The following NCOR2 variants were observed in gnomAD, a reference collection of about 807,000 sequenced individuals.
The protein encoded by NCOR2 is CTG repeat protein 26.
NCOR2 carries 81 observed loss-of-function variants against 262.9 expected under a neutral mutation model. The observed-to-expected ratio is 0.31, with a 90% CI of 0.26 to 0.37. The LOEUF is 0.37. Ranked by LOEUF, NCOR2 falls within the 10% of genes least tolerant of loss-of-function variation. The pLI is 1.00. For synonymous variants in NCOR2, 1,659 were observed against 1,559.3 expected, an observed-to-expected ratio of 1.06 and a Z score of -1.51; for missense variants, 3,385 against 3,621.4, an observed-to-expected ratio of 0.93 and a Z score of 1.68.
chr12:124,374,677 C>T (rs2039850877), intron 18 of NCOR2, among the ~76,000 whole-genome samples: 1 of 152,252 alleles, frequency 6.6e-6, no homozygotes, highest in Non-Finnish European at 1.5e-5. Flanking sequence ...CCTGCAATAG[C>T]CCTGAGCAGG....
At position 124,352,305 on chromosome 12, in the gene NCOR2, A is replaced by G. The variant is rs7316196; in HGVS notation, c.3694-1568T>C. On this transcript the variant is annotated intron_variant, in intron 27 of 46. Transcript: ENST00000405201. Reference sequence around the variant, plus strand: ...GTCAGAACTGGGTTTGTACTGCAGAAATCAGTGGCTTACTGAACACCACAA... The same window carrying G: ...GTCAGAACTGGGTTTGTACTGCAGAGATCAGTGGCTTACTGAACACCACAA... Among the ~76,000 whole-genome samples the G allele has an allele frequency of 8.2e-3, 1,243 of 152,232 alleles. 20 individuals carry two copies. The highest frequency in any genetic ancestry group is 0.029 in the African/African-American group (1,194 of 41,540).
At chr12:124,495,291 T>C, upstream of NCOR2, 1 of 1,585,538 alleles carries the variant, frequency 6.3e-7, no homozygotes, top group Non-Finnish European at 8.6e-7. This position sits in a 1 kb window ranked among gnomAD's most constrained non-coding sequence, Gnocchi z 4.4. Flanking sequence ...CAGGCCCCAA[T>C]AAGCTTTCTC....
chr12:124,467,261 A>C (rs1390872735), intron 4 of NCOR2, among the ~76,000 whole-genome samples: 2 of 2,102 alleles, frequency 9.5e-4, no homozygotes, highest in Admixed American at 7.6e-3. Context: ...CACCCCCATT[A>C]TCCTCATCCT....
At chr12:124,476,678 G>A (rs749053058) in intron 3 of NCOR2, among the ~76,000 whole-genome samples, 3 of 152,192 alleles carry the variant, frequency 2.0e-5, no homozygotes, top group Non-Finnish European at 2.9e-5. Flanking sequence ...ACTCTCCATG[G>A]ATAAAAGCCG....
exon 9 of NCOR2, chr12:124,430,649 G>A (rs1208020489): frequency 5.0e-6 from 8 of 1,613,768 alleles, no homozygotes; most frequent in East Asian, 2.2e-5. Flanking sequence ...CGCTGCTTGC[G>A]GATCTCAGGG....
Position 124,422,595 on chromosome 12 carries a change from G to C in NCOR2, c.1329-40C>G, listed in dbSNP as rs1022501007. ...GGGTGGGCGTGAGACCTGGCCGAGG[G>C]GGGCTTTCCTGCGGGGCAGCCGATC... On this transcript the variant is annotated intron_variant, in intron 11 of 46. Transcript: ENST00000405201. The C allele has an allele frequency of 6.8e-6, 11 of 1,611,746 alleles. No homozygotes were observed. In the East Asian group the frequency reaches 2.2e-4, roughly 33 times the overall value.
chr12:124,361,122 CAAAAAA>C (rs33951841), intron 22 of NCOR2, among the ~76,000 whole-genome samples: 3 of 122,494 alleles, frequency 2.4e-5, no homozygotes, highest in Admixed American at 8.3e-5. Context: ...CCGTCTCAAA[CAAAAAA>C]AAAAAAAAAA....
chr12:124,325,567 G>A (rs2034550325), exon 47 of NCOR2: 18 of 1,307,538 alleles, frequency 1.4e-5, no homozygotes, highest in Non-Finnish European at 1.6e-5. Flanking sequence ...GGGGGTTGTA[G>A]GGGAATGGCG....
intron 30 of NCOR2, among the ~76,000 whole-genome samples, chr12:124,347,052 C>T (rs927682819): frequency 2.6e-5 from 4 of 152,200 alleles, no homozygotes; most frequent in African/African-American, 9.7e-5. Context: ...CTCAGCAAGT[C>T]GGGAACACTA....
Position 124,344,809 on chromosome 12 carries a change from C to T in NCOR2, c.4502G>A (p.Arg1501His), listed in dbSNP as rs753887869. 4.4e-5 allele frequency: 68 copies of T among 1,554,286 alleles called. No individual in the cohort carries two copies. In the East Asian group the frequency reaches 7.5e-4, roughly 17 times the overall value. ...CTTCAGGCTCTCCTCGTAGCAGGCA[C>T]GTTCCAGTGCCCGGGCGTCGGCCAT... is the stretch of plus-strand genomic sequence containing the variant. The change falls in exon 32 of 47, where the codon CGT (arginine) becomes CAT (histidine). Residue 1501 changes from arginine (R) to histidine (H), a missense_variant. This residue lies in a region of NCOR2 where 1,615 missense variants were observed against 1,626.9 expected (regional missense o/e 0.99). Coordinates refer to ENST00000405201, the Ensembl canonical transcript of NCOR2.
Position 124,336,954 on chromosome 12 carries a change from G to C in NCOR2, c.5914C>G (p.Pro1972Ala), listed in dbSNP as rs777958866. Residue 1972 changes from proline (P) to alanine (A), a missense_variant, in exon 38 of 47, where the codon CCC becomes GCC. Transcript: ENST00000405201. ...GGCCGGGGCTCCGAGCCCTTGCTGG[G>C]GGAGGAGGCGGGCTCCAGCCCGGAG... 2.6e-6 allele frequency: 4 copies of C among 1,534,312 alleles called. No individual in the cohort carries two copies. In the African/African-American group the frequency reaches 5.5e-5, roughly 21 times the overall value.
At chr12:124,534,794 G>A (rs780504588) in intron 1 of NCOR2, among the ~76,000 whole-genome samples, 1 of 152,188 alleles carries the variant, frequency 6.6e-6, no homozygotes, top group Non-Finnish European at 1.5e-5. Context: ...TGACCAACCT[G>A]TGCCTCAGTT....
In NCOR2 at chr12:124,340,262, C is replaced by T. The variant is rs190259889; in HGVS notation, c.5488+32G>A. 235 of 1,606,698 alleles carry T rather than the reference C, an allele frequency of 1.5e-4. 1 individual carries two copies. In the African/African-American group the frequency reaches 2.8e-3, roughly 19 times the overall value. On this transcript the variant is annotated intron_variant, in intron 36 of 46. Transcript: ENST00000405201. ...GCCTCTTGCGGCCCACAAGGAGTCC[C>T]GGAGCGGGGGGTGGGGGCTCTGATG... is the stretch of plus-strand genomic sequence containing the variant.
chr12:124,346,768 C>G, exon 31 of NCOR2: 1 of 1,558,078 alleles, frequency 6.4e-7, no homozygotes, highest in Non-Finnish European at 8.7e-7. Flanking sequence ...GCGGTGGGGG[C>G]GGAGGCGTGC....
intron 1 of NCOR2, among the ~76,000 whole-genome samples, chr12:124,502,058 C>T (rs117221603): frequency 0.026 from 3,943 of 152,274 alleles, 72 homozygotes; most frequent in Non-Finnish European, 0.039. Context: ...GGGAACTGGC[C>T]AAGTATCTGA....
At chr12:124,335,576 A>G in exon 39 of NCOR2, 1 of 1,609,244 alleles carries the variant, frequency 6.2e-7, no homozygotes, top group South Asian at 1.1e-5. Context: ...AGACTGGGTG[A>G]GCTCACAGGG....
At chr12:124,494,715 G>A (rs759033682) in intron 1 of NCOR2, among the ~76,000 whole-genome samples, 9 of 152,310 alleles carry the variant, frequency 5.9e-5, no homozygotes, top group South Asian at 2.1e-4. Context: ...GAATACACAC[G>A]GAACGGGAGG....
chr12:124,529,159 A>T (rs368052282), intron 1 of NCOR2, among the ~76,000 whole-genome samples: 1 of 130,814 alleles, frequency 7.6e-6, no homozygotes, highest in African/African-American at 3.0e-5. Flanking sequence ...AGCCTGCACG[A>T]TAAGAGCGAA....
chr12:124,393,304 G>A lies in NCOR2; in HGVS notation c.1876+4815C>T, dbSNP rs565348069. Among the ~76,000 whole-genome samples the A allele has an allele frequency of 2.0e-5, 3 of 152,278 alleles. No individual in the cohort carries two copies. In the East Asian group the frequency reaches 5.8e-4, roughly 29 times the overall value. Reference sequence around the variant, plus strand: ...TCCCCGGAGCTGCCCGGTTCCTGGGGAAGCTGCCTCCTGAACATTCTCGGT... The same window carrying A: ...TCCCCGGAGCTGCCCGGTTCCTGGGAAAGCTGCCTCCTGAACATTCTCGGT... On this transcript the variant is annotated intron_variant, in intron 16 of 46. Coordinates refer to ENST00000405201, the Ensembl canonical transcript of NCOR2.
Sources: gnomAD v4.1 joint callset for allele counts (sites outside exome capture counted in the v4.1 genomes callset) on GRCh38, gnomAD v4.1.1 for gene constraint, gnomAD v4.1.1 regional missense constraint, Gnocchi (gnomAD v3.1) non-coding constraint, MANE v1.5 for transcripts, NCBI Gene and HGNC (gene_info 2026-07-23, HGNC 2026-07-21) for gene names.